Variants in MMP2 observed in about 807,000 individuals in gnomAD.
The protein encoded by MMP2 is 72 kDa type IV collagenase.
Under a neutral mutation model 74.8 loss-of-function variants are expected in MMP2, and 39 were observed. The ratio of observed to expected loss-of-function variants is 0.52; its 90% CI spans 0.40 to 0.68. MMP2 has a LOEUF of 0.68. Ranked by LOEUF, MMP2 falls within the 30% of genes least tolerant of loss-of-function variation. The probability of loss-of-function intolerance (pLI) is 0.00; values close to 1 mark genes in which losing one functional copy is unlikely to be tolerated. For synonymous variants in MMP2, 367 were observed against 339.8 expected, an observed-to-expected ratio of 1.08 and a Z score of -0.88; for missense variants, 803 against 878.3, an observed-to-expected ratio of 0.91 and a Z score of 1.08.
At chr16:55,492,071 G>C in intron 8 of MMP2, 115 bp downstream of exon 8, 1 of 1,044,850 alleles carries the variant, frequency 9.6e-7, no homozygotes, top group Admixed American at 2.1e-5. Context: ...AGGAGTGCTG[G>C]AGACGAGGGC....
chr16:55,488,890 CTGGTA>C, intron 6 of MMP2, 174 bp downstream of exon 6: 1 of 693,272 alleles, frequency 1.4e-6, no homozygotes, highest in Non-Finnish European at 2.5e-6. Flanking sequence ...TACTTGTCAC[CTGGTA>C]TGGCCTGGGC....
chr16:55,496,438 CATAA>C (rs17859968), intron 9 of MMP2, among the ~76,000 whole-genome samples: 60,297 of 151,704 alleles, frequency 0.4, 12,140 homozygotes, highest in Admixed American at 0.46. Flanking sequence ...TTACAAGGCA[CATAA>C]ATAAAGCACA....
chr16:55,489,560 G>A (rs922925540), intron 6 of MMP2, 91 bp from the exon 7 acceptor site: 2 of 1,483,126 alleles, frequency 1.3e-6, no homozygotes, highest in African/African-American at 2.8e-5. Flanking sequence ...TAACTTAGGT[G>A]TGGTTCATTA....
intron 5 of MMP2, 139 bp downstream of exon 5, chr16:55,485,916 T>C: frequency 1.2e-6 from 1 of 846,320 alleles, no homozygotes; most frequent in South Asian, 1.5e-5. Context: ...CGTCCTTCAC[T>C]CAGTTCCCCC....
rs936547582 is a variant in MMP2, at chr16:55,493,036, A to G, written c.1337-122A>G. The G allele has an allele frequency of 1.2e-5, 15 of 1,223,790 alleles. No homozygotes were observed. In the East Asian group the frequency reaches 1.5e-4, roughly 12 times the overall value. The allele number at this position is 1,223,790 out of a possible 1,614,324, so 75.8% of individuals were successfully genotyped here. On this transcript the variant is annotated intron_variant, in intron 8 of 12. Transcript: ENST00000219070. ...CTTCTTGTTACCTTACGGAGCTTACACTAAGGCCAGAAGGCGATTTCTTCT... is the reference window on the plus strand; with the variant it reads ...CTTCTTGTTACCTTACGGAGCTTACGCTAAGGCCAGAAGGCGATTTCTTCT...
At chr16:55,495,230 C>A (rs1251562508) in intron 9 of MMP2, among the ~76,000 whole-genome samples, 1 of 152,200 alleles carries the variant, frequency 6.6e-6, no homozygotes, top group East Asian at 1.9e-4. Context: ...AAGGATCTGG[C>A]AATGTGCTTC....
At chr16:55,488,484 G>T in intron 5 of MMP2, 59 bp from the exon 6 acceptor site, 1 of 1,563,266 alleles carries the variant, frequency 6.4e-7, no homozygotes. Context: ...CAGCCAGCCA[G>T]CCCTGTGCCC....
intron 11 of MMP2, among the ~76,000 whole-genome samples, chr16:55,502,315 G>A (rs866158511): frequency 6.6e-5 from 10 of 152,068 alleles, no homozygotes; most frequent in Non-Finnish European, 1.3e-4. Context: ...ATTACAGCAG[G>A]GATTTGTTTG....
intron 5 of MMP2, among the ~76,000 whole-genome samples, chr16:55,486,347 CTG>C (rs57608135): frequency 0.015 from 2,058 of 137,754 alleles, 28 homozygotes; most frequent in East Asian, 0.076. Context: ...GTGTGTGTGC[CTG>C]TGTGTGTGTG....
intron 1 of MMP2, 29 bp downstream of exon 1, chr16:55,479,661 C>T (rs779450879): frequency 5.6e-6 from 9 of 1,613,356 alleles, no homozygotes; most frequent in African/African-American, 2.7e-5. Flanking sequence ...CTCAAGGAAC[C>T]ACGTTTAGAC....
At chr16:55,484,337 G>T (rs1212657861) in intron 3 of MMP2, among the ~76,000 whole-genome samples, 173 bp downstream of exon 3, 1 of 152,070 alleles carries the variant, frequency 6.6e-6, no homozygotes, top group Non-Finnish European at 1.5e-5. Context: ...AGTGGACACT[G>T]GAGAGCCACG....
rs777206942 is a variant in MMP2 at position 55,491,957 on chromosome 16, G to A, written c.1336+1G>A. The A allele has an allele frequency of 7.2e-7, 1 of 1,390,070 alleles. No homozygotes were observed. Among genetic ancestry groups the A allele is most frequent in the South Asian group, 1.1e-5 (1 of 87,346 alleles). The allele number at this position is 1,390,070 out of a possible 1,614,324, so 86.1% of individuals were successfully genotyped here. A position where few individuals can be genotyped will look rare whatever the true frequency, so the allele number is the denominator to read the frequency against. On this transcript the variant is annotated splice_donor_variant, in intron 8 of 12. Transcript: ENST00000219070. LOFTEE classifies it high-confidence loss of function. Reference sequence around the variant, plus strand: ...ATCAAGGGCATTCAGGAGCTCTATGGTAAACCTCCGGGCGGGGGTTGGGGG... The same window carrying A: ...ATCAAGGGCATTCAGGAGCTCTATGATAAACCTCCGGGCGGGGGTTGGGGG...
Position 55,479,635 on chromosome 16 carries a change from G to A in MMP2, c.153+3G>A. ...AAACGGACAAAGAGTTGGCAGTGGT[G>A]AGTTGCTGCGCTGGCCTCAAGGAAC... On this transcript the variant is annotated splice_donor_region_variant and intron_variant, in intron 1 of 12. Coordinates refer to ENST00000219070, the MANE Select transcript of MMP2 (RefSeq NM_004530.6). The A allele has an allele frequency of 1.2e-6, 2 of 1,613,760 alleles. No individual in the cohort carries two copies. Among genetic ancestry groups the A allele is most frequent in the Middle Eastern group, 1.6e-4 (1 of 6,062 alleles).
intron 9 of MMP2, among the ~76,000 whole-genome samples, chr16:55,495,192 G>A (rs1275258554): frequency 4.6e-5 from 7 of 152,330 alleles, no homozygotes; most frequent in Admixed American, 3.3e-4. Flanking sequence ...AACAGCAGAT[G>A]TCAGCACTGC....
chr16:55,491,980 GGGTGGAGGGTGAGGA>G, intron 8 of MMP2, 24 bp downstream of exon 8: 1 of 1,583,384 alleles, frequency 6.3e-7, no homozygotes, highest in African/African-American at 1.3e-5. Context: ...CGGGGGTTGG[GGGTGGAGGGTGAGGA>G]GGGGGGAGGT....
At chr16:55,504,310 T>C (rs1962742631) in intron 12 of MMP2, among the ~76,000 whole-genome samples, 1 of 152,198 alleles carries the variant, frequency 6.6e-6, no homozygotes, top group South Asian at 2.1e-4. Context: ...CAAAACAAAC[T>C]TGTGAGAGTC....
At chr16:55,488,242 T>A in intron 5 of MMP2, 1 of 457,890 alleles carries the variant, frequency 2.2e-6, no homozygotes, top group African/African-American at 2.0e-5. Context: ...CCAGGCAGAA[T>A]GGACAGTGCC....
intron 8 of MMP2, 57 bp from the exon 9 acceptor site, chr16:55,493,101 C>G: frequency 6.2e-7 from 1 of 1,608,498 alleles, no homozygotes; most frequent in Non-Finnish European, 8.5e-7. Flanking sequence ...GGGGGCTCAC[C>G]CTAGTGGGGA....
chr16:55,490,650 G>A (rs17859927), intron 7 of MMP2, among the ~76,000 whole-genome samples: 4,112 of 152,284 alleles, frequency 0.027, 89 homozygotes, highest in East Asian at 0.1. Flanking sequence ...TCAGAATTAG[G>A]CAAGCCTGTC....
Sources: gnomAD v4.1 joint callset for allele counts (sites outside exome capture counted in the v4.1 genomes callset) on GRCh38, gnomAD v4.1.1 for gene constraint, MANE v1.5 for transcripts, NCBI Gene and HGNC (gene_info 2026-07-23, HGNC 2026-07-21) for gene names.